EIF4EBP1: variants seen among roughly 807,000 people sequenced by gnomAD.
EIF4EBP1 encodes the protein eukaryotic translation initiation factor 4E binding protein 1, also known as eukaryotic translation initiation factor 4E-binding protein 1.
EIF4EBP1 carries 5 observed loss-of-function variants against 9.2 expected under a neutral mutation model. The observed-to-expected ratio is 0.54, with a 90% confidence interval of 0.28 to 1.14. The LOEUF (loss-of-function observed/expected upper bound fraction) is 1.14, where lower values mean the gene tolerates loss of function less well. Ranked by LOEUF, EIF4EBP1 falls within the 50% of genes most tolerant of loss-of-function variation. EIF4EBP1 has a pLI of 0.09. For missense variants in EIF4EBP1, 139 were observed against 169.6 expected, an observed-to-expected ratio of 0.82 and a Z score of 1.00; for synonymous variants, 62 against 67.0, an observed-to-expected ratio of 0.93 and a Z score of 0.36.
chr8:38,051,608 T>A (rs1021150141), intron 1 of EIF4EBP1, among the ~76,000 whole-genome samples: 15 of 152,116 alleles, frequency 9.9e-5, no homozygotes, highest in Non-Finnish European at 1.6e-4. Context: ...TATTTTTTTT[T>A]ATTTTTTTGT....
rs1247669014 is a variant in EIF4EBP1 at position 38,059,887 on chromosome 8, G to A, written c.326-17G>A. The A allele has an allele frequency of 2.8e-6, 4 of 1,450,454 alleles. No homozygotes were observed. Among genetic ancestry groups the A allele is most frequent in the African/African-American group, 3.9e-5 (2 of 51,356 alleles). 89.8% of individuals were successfully genotyped at this position (1,450,454 alleles called of 1,614,324 possible). On this transcript the variant is annotated splice_polypyrimidine_tract_variant and intron_variant, in intron 2 of 2. Coordinates refer to ENST00000338825, the MANE Select transcript of EIF4EBP1 (RefSeq NM_004095.4). ...TCACCCATTGTTGACCTGGCCCTCTGTCCCCTCTCTCCCCAGGTGAAGAGT... is the reference window on the plus strand; with the variant it reads ...TCACCCATTGTTGACCTGGCCCTCTATCCCCTCTCTCCCCAGGTGAAGAGT...
intron 1 of EIF4EBP1, among the ~76,000 whole-genome samples, chr8:38,035,089 T>C (rs1809280612): frequency 6.6e-6 from 1 of 152,162 alleles, no homozygotes; most frequent in Non-Finnish European, 1.5e-5. Flanking sequence ...ACTCTGTCGG[T>C]ATAAATTAAA....
chr8:38,036,153 G>A (rs377162332), intron 1 of EIF4EBP1, among the ~76,000 whole-genome samples: 1 of 151,746 alleles, frequency 6.6e-6, no homozygotes, highest in Non-Finnish European at 1.5e-5. Flanking sequence ...CCACAAACCC[G>A]GCTATTTATT....
At chr8:38,046,133 C>T (rs1303500200) in intron 1 of EIF4EBP1, among the ~76,000 whole-genome samples, 3 of 152,112 alleles carry the variant, frequency 2.0e-5, no homozygotes, top group Non-Finnish European at 4.4e-5. Flanking sequence ...AAACTCCTGA[C>T]CTCAAGTGAT....
intron 1 of EIF4EBP1, among the ~76,000 whole-genome samples, chr8:38,034,664 C>T (rs546401035): frequency 3.3e-5 from 5 of 152,216 alleles, no homozygotes; most frequent in Admixed American, 1.3e-4. Flanking sequence ...AAGGTGAATC[C>T]GAGGTGAGCA....
At chr8:38,055,971 G>A (rs1395920261) in intron 1 of EIF4EBP1, among the ~76,000 whole-genome samples, 1 of 152,110 alleles carries the variant, frequency 6.6e-6, no homozygotes, top group African/African-American at 2.4e-5. Flanking sequence ...CTCAGCAGGA[G>A]AGCCCACCCT....
chr8:38,058,496 C>T (rs979128575), intron 2 of EIF4EBP1, among the ~76,000 whole-genome samples: 1 of 152,212 alleles, frequency 6.6e-6, no homozygotes, highest in East Asian at 1.9e-4. Flanking sequence ...ACTCTTAATA[C>T]TGTTACATTG....
At chr8:38,035,128 C>T (rs1454146214) in intron 1 of EIF4EBP1, among the ~76,000 whole-genome samples, 1 of 152,194 alleles carries the variant, frequency 6.6e-6, no homozygotes, top group Non-Finnish European at 1.5e-5. Flanking sequence ...GTGTTGGAAG[C>T]ATTCCACACT....
intron 1 of EIF4EBP1, among the ~76,000 whole-genome samples, chr8:38,051,805 C>T (rs906343987): frequency 1.3e-5 from 2 of 152,104 alleles, no homozygotes; most frequent in Non-Finnish European, 2.9e-5. Flanking sequence ...CCATGTTGGC[C>T]AGGCTGGTCT....
chr8:38,057,561 G>A (rs1029762778), intron 2 of EIF4EBP1, among the ~76,000 whole-genome samples: 117 of 152,302 alleles, frequency 7.7e-4, no homozygotes, highest in Admixed American at 2.4e-3. Context: ...AGCAACTTTC[G>A]TAAGCATGTG....
chr8:38,051,344 C>T (rs1266628611), intron 1 of EIF4EBP1, among the ~76,000 whole-genome samples: 2 of 152,158 alleles, frequency 1.3e-5, no homozygotes, highest in Non-Finnish European at 2.9e-5. Context: ...ACAGTTGGAG[C>T]TCTCCCTGCA....
At chr8:38,041,402 A>C (rs1809377644) in intron 1 of EIF4EBP1, among the ~76,000 whole-genome samples, 1 of 152,156 alleles carries the variant, frequency 6.6e-6, no homozygotes, top group Admixed American at 6.5e-5. Flanking sequence ...CACACCTGGC[A>C]GGAAATATAT....
Position 38,059,899 on chromosome 8 carries a change from C to G in EIF4EBP1, c.326-5C>G. 7.0e-7 allele frequency: 1 copy of G among 1,432,810 alleles called. No homozygotes were observed. Among genetic ancestry groups the G allele is most frequent in the Non-Finnish European group, 9.2e-7 (1 of 1,088,538 alleles). The allele number at this position is 1,432,810 out of a possible 1,614,324, so 88.8% of individuals were successfully genotyped here. On this transcript the variant is annotated splice_region_variant and splice_polypyrimidine_tract_variant and intron_variant, in intron 2 of 2. Coordinates refer to ENST00000338825, the MANE Select transcript of EIF4EBP1 (RefSeq NM_004095.4). Reference sequence around the variant, plus strand: ...GACCTGGCCCTCTGTCCCCTCTCTCCCCAGGTGAAGAGTCACAGTTTGAGA... The same window carrying G: ...GACCTGGCCCTCTGTCCCCTCTCTCGCCAGGTGAAGAGTCACAGTTTGAGA...
rs192496417 is a variant in EIF4EBP1 at position 38,043,806 on chromosome 8, C to T, written c.145+13088C>T. On this transcript the variant is annotated intron_variant, in intron 1 of 2. Coordinates refer to ENST00000338825, the MANE Select transcript of EIF4EBP1 (RefSeq NM_004095.4). Reference sequence around the variant, plus strand: ...TTCTCTTTGTGGAGGTCAGCGGTTGCGGGGCAGAGGTAAAGAAAAGTCTTG... The same window carrying T: ...TTCTCTTTGTGGAGGTCAGCGGTTGTGGGGCAGAGGTAAAGAAAAGTCTTG... Among the ~76,000 whole-genome samples the T allele has an allele frequency of 8.5e-5, 13 of 152,166 alleles. No individual in the cohort carries two copies. The East Asian group carries it at 1.7e-3, about 20-fold the overall frequency.
chr8:38,057,711 A>C (rs534242530), intron 2 of EIF4EBP1, among the ~76,000 whole-genome samples: 112 of 152,304 alleles, frequency 7.4e-4, no homozygotes, highest in Non-Finnish European at 1.3e-4. Flanking sequence ...TACATCCGGG[A>C]TGCCTCCTGT....
intron 1 of EIF4EBP1, among the ~76,000 whole-genome samples, chr8:38,044,442 T>G (rs1016148521): frequency 1.2e-4 from 18 of 152,126 alleles, no homozygotes; most frequent in African/African-American, 4.1e-4. Context: ...CTTACTAATT[T>G]TATTTTATTT....
At chr8:38,034,801 T>G (rs113237053) in intron 1 of EIF4EBP1, among the ~76,000 whole-genome samples, 1 of 152,184 alleles carries the variant, frequency 6.6e-6, no homozygotes, top group Non-Finnish European at 1.5e-5. Flanking sequence ...AAGAAGGGGA[T>G]GTAGGCTGGG....
intron 1 of EIF4EBP1, among the ~76,000 whole-genome samples, chr8:38,040,866 C>CTGT (rs3067026): frequency 0.026 from 3,963 of 151,558 alleles, 84 homozygotes; most frequent in African/African-American, 0.057. Context: ...AAATACATGC[C>CTGT]TGTTGTTGTT....
chr8:38,059,948 C>G lies in EIF4EBP1; in HGVS notation c.*13C>G, dbSNP rs201004052. On this transcript the variant is annotated 3_prime_UTR_variant, in exon 3 of 3. Transcript: ENST00000338825. Reference sequence around the variant, plus strand: ...GATGGACATTTAAAGCACCAGCCATCGTGTGGAGCACTACCAAGGGGCCCC... The same window carrying G: ...GATGGACATTTAAAGCACCAGCCATGGTGTGGAGCACTACCAAGGGGCCCC... 2 of 1,614,050 alleles carry G rather than the reference C, an allele frequency of 1.2e-6. No individual in the cohort carries two copies. The highest frequency in any genetic ancestry group is 1.7e-6 in the Non-Finnish European group (2 of 1,179,902).
Sources: allele counts gnomAD v4.1 joint callset (sites outside exome capture counted in the v4.1 genomes callset), GRCh38; gene constraint gnomAD v4.1.1; transcripts MANE v1.5; gene names NCBI Gene and HGNC (gene_info 2026-07-23, HGNC 2026-07-21).